The following RHBDD1 variants were observed in gnomAD, a reference collection of about 807,000 sequenced individuals.
RHBDD1 encodes rhomboid domain containing 1, also known as rhomboid-related protein 4.
RHBDD1 carries 38 observed loss-of-function variants against 36.3 expected under a neutral mutation model. That is an observed-to-expected ratio of 1.05 (90% confidence interval 0.81 to 1.37). The LOEUF (loss-of-function observed/expected upper bound fraction) is 1.37, where lower values mean the gene tolerates loss of function less well. Ranked by LOEUF, RHBDD1 falls within the 40% of genes most tolerant of loss-of-function variation. RHBDD1 has a pLI of 0.00. For missense variants in RHBDD1, 393 were observed against 377.6 expected (o/e 1.04, Z -0.34); for synonymous variants, 151 against 136.5 (o/e 1.11, Z -0.74).
At chr2:226,941,937 A>G (rs1006044646) in intron 8 of RHBDD1, among the ~76,000 whole-genome samples, 1 of 152,182 alleles carries the variant, frequency 6.6e-6, no homozygotes, top group Non-Finnish European at 1.5e-5. Flanking sequence ...AATTATTTTC[A>G]TTGTTTTAGA....
At chr2:226,904,203 G>T (rs573316150) in intron 5 of RHBDD1, among the ~76,000 whole-genome samples, 1 of 152,272 alleles carries the variant, frequency 6.6e-6, no homozygotes, top group African/African-American at 2.4e-5. Flanking sequence ...CCTGTGGACC[G>T]CAAGGTTAAA....
the RHBDD1 span, chr2:226,804,012 A>C: frequency 6.6e-6 from 1 of 152,212 alleles, no homozygotes; most frequent in Admixed American, 6.5e-5. Context: ...ATTAATTGAA[A>C]GACAATAATT....
In RHBDD1 at chr2:226,998,093, G is replaced by A. The variant is rs1445774590; in HGVS notation, c.*2571G>A. On this transcript the variant is annotated 3_prime_UTR_variant, in exon 9 of 9. Transcript: ENST00000392062. ...CTCCCTGATTGTCTGTTAAGCCCCTGGTTCCCACAGTTTGGTGTGGTCAGT... is the reference window on the plus strand; with the variant it reads ...CTCCCTGATTGTCTGTTAAGCCCCTAGTTCCCACAGTTTGGTGTGGTCAGT... 2 of 152,158 alleles carry A rather than the reference G, an allele frequency of 1.3e-5. No homozygotes were observed. The highest frequency in any genetic ancestry group is 2.1e-4 in the South Asian group (1 of 4,828). 9.4% of individuals were successfully genotyped at this position (152,158 alleles called of 1,614,324 possible). A position where few individuals can be genotyped will look rare whatever the true frequency, so the allele number is the denominator to read the frequency against.
chr2:226,906,728 A>G (rs749704125), intron 5 of RHBDD1, 65 bp from the exon 6 acceptor site: 1 of 1,613,066 alleles, frequency 6.2e-7, no homozygotes, highest in Admixed American at 1.7e-5. Flanking sequence ...TGGGCTAATG[A>G]GAAGACAGAA....
At chr2:226,844,813 C>G (rs1942046204) in intron 3 of RHBDD1, among the ~76,000 whole-genome samples, 1 of 152,166 alleles carries the variant, frequency 6.6e-6, no homozygotes, top group African/African-American at 2.4e-5. Flanking sequence ...ATGATTGATA[C>G]TGGAAATCAT....
At chr2:226,838,808 T>C (rs1195709162) in intron 2 of RHBDD1, among the ~76,000 whole-genome samples, 1 of 152,192 alleles carries the variant, frequency 6.6e-6, no homozygotes, top group Non-Finnish European at 1.5e-5. Context: ...GTTGAAACTT[T>C]AACGTGAAAA....
intron 8 of RHBDD1, among the ~76,000 whole-genome samples, chr2:226,974,606 A>G (rs527645753): frequency 1.3e-5 from 2 of 152,288 alleles, no homozygotes; most frequent in South Asian, 2.1e-4. Context: ...TCGTTGAACA[A>G]GGATGTACAA....
At chr2:226,948,607 AAAAT>A (rs1951193353) in intron 8 of RHBDD1, among the ~76,000 whole-genome samples, 1 of 150,924 alleles carries the variant, frequency 6.6e-6, no homozygotes, top group African/African-American at 2.4e-5. Flanking sequence ...AAAATAAAAA[AAAAT>A]AAAATAAACT....
chr2:226,974,936 G>A (rs541631947), intron 8 of RHBDD1, among the ~76,000 whole-genome samples: 78 of 152,322 alleles, frequency 5.1e-4, no homozygotes, highest in African/African-American at 1.8e-3. Flanking sequence ...CTTCCAGGCT[G>A]TGCTCCTGTG....
intron 3 of RHBDD1, among the ~76,000 whole-genome samples, chr2:226,840,230 A>G (rs997263422): frequency 2.0e-5 from 3 of 152,220 alleles, no homozygotes; most frequent in African/African-American, 7.2e-5. Flanking sequence ...CAAAGCCCAT[A>G]GATAACTTTG....
chr2:226,891,370 G>A (rs1383848269), intron 5 of RHBDD1, among the ~76,000 whole-genome samples: 1 of 152,186 alleles, frequency 6.6e-6, no homozygotes, highest in East Asian at 1.9e-4. Flanking sequence ...CCTTCCTTCA[G>A]CAAAGAAGAG....
intron 3 of RHBDD1, among the ~76,000 whole-genome samples, chr2:226,839,939 T>G (rs1356172906): frequency 3.3e-5 from 5 of 152,258 alleles, no homozygotes; most frequent in Non-Finnish European, 7.3e-5. Context: ...CTTGTGTTTA[T>G]AGCCCTATCA....
intron 8 of RHBDD1, among the ~76,000 whole-genome samples, chr2:226,986,158 A>G (rs1956903567): frequency 6.6e-6 from 1 of 152,246 alleles, no homozygotes; most frequent in African/African-American, 2.4e-5. Flanking sequence ...TCTGTCTGCT[A>G]CCACTCAAGA....
intron 5 of RHBDD1, among the ~76,000 whole-genome samples, chr2:226,891,615 C>T (rs1054457949): frequency 6.6e-6 from 1 of 152,182 alleles, no homozygotes; most frequent in Admixed American, 6.5e-5. Flanking sequence ...GAGCTGACAT[C>T]AGCAGCTCCT....
At chr2:226,922,697 C>T (rs1176970746) in intron 8 of RHBDD1, among the ~76,000 whole-genome samples, 4 of 152,094 alleles carry the variant, frequency 2.6e-5, no homozygotes, top group Non-Finnish European at 5.9e-5. Context: ...CTTTCCTCTT[C>T]CCTTCCTTCC....
chr2:226,864,549 T>A, intron 3 of RHBDD1, 55 bp from the exon 4 acceptor site: 1 of 681,270 alleles, frequency 1.5e-6, no homozygotes. Flanking sequence ...CGAGTATGTC[T>A]TATATATGTA....
In RHBDD1 at chr2:226,998,524, A is replaced by ATAAC. The variant is rs1454731109; in HGVS notation, c.*3004_*3007dup. On this transcript the variant is annotated 3_prime_UTR_variant, in exon 9 of 9. Transcript: ENST00000392062. ...ATTCAATTAGTCAAAAAATATATAT[A>ATAAC]TAACTTCTTCCTTTCCCTTCCCATG... The ATAAC allele has an allele frequency of 1.3e-5, 2 of 152,150 alleles. No individual in the cohort carries two copies. The highest frequency in any genetic ancestry group is 4.8e-5 in the African/African-American group (2 of 41,442). The allele number at this position is 152,150 out of a possible 1,614,324, so 9.4% of individuals were successfully genotyped here.
chr2:226,881,858 C>T (rs920352295), intron 5 of RHBDD1, among the ~76,000 whole-genome samples: 1 of 152,194 alleles, frequency 6.6e-6, no homozygotes, highest in African/African-American at 2.4e-5. Context: ...CCTTTTTAGC[C>T]AGTTCTATTT....
At chr2:226,923,776 G>T (rs554222503) in intron 8 of RHBDD1, among the ~76,000 whole-genome samples, 1 of 151,906 alleles carries the variant, frequency 6.6e-6, no homozygotes, top group East Asian at 1.9e-4. Flanking sequence ...CTTCTGCTTG[G>T]TCAATTGTGA....
Sources: gnomAD v4.1 joint callset for allele counts (sites outside exome capture counted in the v4.1 genomes callset) on GRCh38, gnomAD v4.1.1 for gene constraint, MANE v1.5 for transcripts, NCBI Gene and HGNC (gene_info 2026-07-23, HGNC 2026-07-21) for gene names.